The following SMIM35 variants were observed in gnomAD, a reference collection of about 807,000 sequenced individuals.
SMIM35 encodes the protein small integral membrane protein 35.
At chr11:118,081,099 A>T (rs1053608351) in intron 1 of SMIM35, among the ~76,000 whole-genome samples, 4 of 152,204 alleles carry the variant, frequency 2.6e-5, no homozygotes, top group Non-Finnish European at 5.9e-5. Flanking sequence ...CACTTAGTAA[A>T]TGTGAATGAA....
chr11:118,035,693 C>T (rs78197730), intron 1 of SMIM35, among the ~76,000 whole-genome samples: 6,032 of 152,206 alleles, frequency 0.04, 201 homozygotes, highest in East Asian at 0.19. Context: ...GAGACTCACA[C>T]AGTGCTCCCT....
At chr11:118,039,288 C>T (rs1419683862) in intron 1 of SMIM35, among the ~76,000 whole-genome samples, 1 of 152,196 alleles carries the variant, frequency 6.6e-6, no homozygotes, top group African/African-American at 2.4e-5. Context: ...CAACAGGTAG[C>T]TTTGGTGGGA....
chr11:118,065,349 G>C (rs1470195102), intron 1 of SMIM35, among the ~76,000 whole-genome samples: 1 of 152,176 alleles, frequency 6.6e-6, no homozygotes, highest in Non-Finnish European at 1.5e-5. Flanking sequence ...CATTTTGAGT[G>C]GTTTTGCAAA....
chr11:118,041,588 G>A (rs934107130), intron 1 of SMIM35, among the ~76,000 whole-genome samples: 16 of 152,062 alleles, frequency 1.1e-4, no homozygotes, highest in African/African-American at 3.6e-4. Context: ...TAAATCAAAA[G>A]GGAAATTTAA....
At position 118,004,620 on chromosome 11, in the gene SMIM35, G is replaced by T. The variant is rs1453994816; in HGVS notation, c.*1790C>A. On this transcript the variant is annotated 3_prime_UTR_variant, in exon 5 of 5. Transcript: ENST00000689828. ...TAGGGATTCCCATGTGAGAGTGAATGAGCTCATAGCCCTTAGTGTGAAGGT... is the reference window on the plus strand; with the variant it reads ...TAGGGATTCCCATGTGAGAGTGAATTAGCTCATAGCCCTTAGTGTGAAGGT... 1 of 152,128 alleles carries T rather than the reference G, an allele frequency of 6.6e-6. No homozygotes were observed. The highest frequency in any genetic ancestry group is 1.5e-5 in the Non-Finnish European group (1 of 68,026). The allele number at this position is 152,128 out of a possible 1,614,324, so 9.4% of individuals were successfully genotyped here.
At chr11:118,037,945 C>A (rs1195930363) in intron 1 of SMIM35, among the ~76,000 whole-genome samples, 1 of 152,226 alleles carries the variant, frequency 6.6e-6, no homozygotes, top group East Asian at 1.9e-4. Context: ...TCTGTCCAGA[C>A]TTCAACTCTG....
chr11:118,049,339 A>ATTTTTTT (rs398017739), intron 1 of SMIM35, among the ~76,000 whole-genome samples: 4 of 83,994 alleles, frequency 4.8e-5, no homozygotes, highest in African/African-American at 2.0e-4. Context: ...TCCACCCTTA[A>ATTTTTTT]TTTTTTTTTT....
At chr11:118,030,304 G>A (rs980909284) in intron 1 of SMIM35, among the ~76,000 whole-genome samples, 1 of 152,058 alleles carries the variant, frequency 6.6e-6, no homozygotes, top group Non-Finnish European at 1.5e-5. Flanking sequence ...TAAAGTGTTG[G>A]GATTACAGGT....
intron 1 of SMIM35, among the ~76,000 whole-genome samples, chr11:118,055,744 T>C (rs1367132258): frequency 6.6e-6 from 1 of 152,184 alleles, no homozygotes; most frequent in Non-Finnish European, 1.5e-5. Flanking sequence ...ATTGATTCGA[T>C]AATCATATAC....
intron 1 of SMIM35, among the ~76,000 whole-genome samples, chr11:118,072,396 G>A (rs1944585718): frequency 6.6e-6 from 1 of 152,252 alleles, no homozygotes; most frequent in Admixed American, 6.5e-5. Flanking sequence ...GCTGAGGCAG[G>A]AGAATTGCTT....
At chr11:118,035,198 C>T (rs1231689092) in intron 1 of SMIM35, among the ~76,000 whole-genome samples, 3 of 152,058 alleles carry the variant, frequency 2.0e-5, no homozygotes, top group Non-Finnish European at 2.9e-5. Context: ...GTGATCCACC[C>T]GCCTCAGCCT....
intron 1 of SMIM35, among the ~76,000 whole-genome samples, chr11:118,038,789 A>T (rs1224483916): frequency 1.3e-5 from 2 of 152,248 alleles, no homozygotes; most frequent in African/African-American, 4.8e-5. Context: ...GAAAGATGAT[A>T]GGAATCAGAA....
chr11:118,032,968 T>C (rs1337174607), intron 1 of SMIM35, among the ~76,000 whole-genome samples: 1 of 152,242 alleles, frequency 6.6e-6, no homozygotes, highest in Admixed American at 6.5e-5. Flanking sequence ...GTGTCATTTC[T>C]GTTTTTCTTA....
At chr11:118,012,432 G>C (rs2058155287) in intron 4 of SMIM35, among the ~76,000 whole-genome samples, 1 of 152,208 alleles carries the variant, frequency 6.6e-6, no homozygotes, top group Non-Finnish European at 1.5e-5. Context: ...TATCTGGTTT[G>C]TTCAGCCTCG....
At chr11:118,064,626 T>G (rs911645939) in intron 1 of SMIM35, among the ~76,000 whole-genome samples, 1 of 151,310 alleles carries the variant, frequency 6.6e-6, no homozygotes, top group African/African-American at 2.4e-5. Context: ...GTGGAGATTT[T>G]TTGTTGTTTT....
At chr11:118,081,588 G>A (rs1945140524) in intron 1 of SMIM35, among the ~76,000 whole-genome samples, 1 of 152,226 alleles carries the variant, frequency 6.6e-6, no homozygotes. Context: ...AGACATGATG[G>A]CCCCTGTCCA....
intron 1 of SMIM35, among the ~76,000 whole-genome samples, chr11:118,018,746 G>T (rs1012913284): frequency 2.6e-5 from 4 of 152,148 alleles, no homozygotes; most frequent in African/African-American, 9.7e-5. Flanking sequence ...TTACTTTTTT[G>T]TGTCTTCTAC....
chr11:118,042,280 G>C (rs1302913823), intron 1 of SMIM35, among the ~76,000 whole-genome samples: 1 of 151,842 alleles, frequency 6.6e-6, no homozygotes, highest in Non-Finnish European at 1.5e-5. Context: ...TGAAAGAGGG[G>C]ACATTGTTGT....
intron 1 of SMIM35, among the ~76,000 whole-genome samples, chr11:118,032,918 A>G (rs1255492008): frequency 6.6e-6 from 1 of 152,166 alleles, no homozygotes; most frequent in African/African-American, 2.4e-5. Flanking sequence ...AAAACAAAAA[A>G]CAACAACAAA....
Sources: gnomAD v4.1 joint callset for allele counts (sites outside exome capture counted in the v4.1 genomes callset) on GRCh38, gnomAD v4.1.1 for gene constraint, MANE v1.5 for transcripts, NCBI Gene and HGNC (gene_info 2026-07-23, HGNC 2026-07-21) for gene names.